PLD1: variants seen among roughly 807,000 people sequenced by gnomAD.
The protein encoded by PLD1 is choline phosphatase 1.
A neutral mutation model predicts 137.1 loss-of-function variants in PLD1; 112 were observed. That is an observed-to-expected ratio of 0.82 (90% CI 0.70 to 0.96). The LOEUF (loss-of-function observed/expected upper bound fraction) is 0.96. Among genes scored for constraint, PLD1 ranks in the 40% least tolerant of loss-of-function variants. The pLI is 0.00. For synonymous variants in PLD1, 431 were observed against 454.7 expected, an observed-to-expected ratio of 0.95 and a Z score of 0.66; for missense variants, 1,321 against 1,342.0, an observed-to-expected ratio of 0.98 and a Z score of 0.24.
intron 1 of PLD1, among the ~76,000 whole-genome samples, chr3:171,808,275 G>A (rs1050369588): frequency 4.0e-5 from 6 of 151,802 alleles, no homozygotes; most frequent in African/African-American, 1.5e-4. Context: ...AGTGGCTCAC[G>A]CCTGTAATCC....
At chr3:171,614,773 T>A (rs1732958478) in intron 24 of PLD1, among the ~76,000 whole-genome samples, 1 of 152,348 alleles carries the variant, frequency 6.6e-6, no homozygotes, top group South Asian at 2.1e-4. Context: ...ACATCACTGC[T>A]TTGTTTCGGG....
At chr3:171,624,513 C>T (rs930693225) in intron 23 of PLD1, among the ~76,000 whole-genome samples, 2 of 151,922 alleles carry the variant, frequency 1.3e-5, no homozygotes, top group African/African-American at 4.8e-5. Flanking sequence ...AGCAATCCCA[C>T]TCTAGAAATT....
intron 21 of PLD1, among the ~76,000 whole-genome samples, chr3:171,658,400 C>T (rs557355235): frequency 6.6e-6 from 1 of 152,076 alleles, no homozygotes; most frequent in African/African-American, 2.4e-5. Context: ...TAGAAACAAC[C>T]CAAATGTCCA....
At chr3:171,685,898 C>T (rs1418693411) in intron 16 of PLD1, among the ~76,000 whole-genome samples, 1 of 152,146 alleles carries the variant, frequency 6.6e-6, no homozygotes, top group African/African-American at 2.4e-5. Flanking sequence ...GCAGACGGAT[C>T]ACTTGAGGTC....
intron 1 of PLD1, among the ~76,000 whole-genome samples, chr3:171,768,010 C>CATTATT (rs36100351): frequency 5.6e-4 from 83 of 148,920 alleles, no homozygotes; most frequent in African/African-American, 1.9e-3. Flanking sequence ...TTTATGTGTT[C>CATTATT]ATTATTATTA....
chr3:171,694,080 T>C (rs1189524656), intron 12 of PLD1, among the ~76,000 whole-genome samples: 1 of 152,162 alleles, frequency 6.6e-6, no homozygotes, highest in Non-Finnish European at 1.5e-5. Context: ...AAATTCCTTA[T>C]AATAACACAA....
chr3:171,629,220 A>G (rs1272258808), intron 23 of PLD1, among the ~76,000 whole-genome samples: 11 of 152,152 alleles, frequency 7.2e-5, no homozygotes, highest in African/African-American at 2.7e-4. Context: ...CACCAATAAC[A>G]GACAAACAGA....
In PLD1 at chr3:171,733,525, T is replaced by C. The variant is rs373997610; in HGVS notation, c.541-16A>G. The C allele has an allele frequency of 6.2e-6, 6 of 970,388 alleles. No individual in the cohort carries two copies. The African/African-American group carries it at 6.4e-5, about 10-fold the overall frequency. 60.1% of individuals were successfully genotyped at this position (970,388 alleles called of 1,614,324 possible). ...CCAGTTGTTTCTGTAATGCAAATATTTTAGATAAGTGTTAACATGGTCATA... is the reference window on the plus strand; with the variant it reads ...CCAGTTGTTTCTGTAATGCAAATATCTTAGATAAGTGTTAACATGGTCATA... On this transcript the variant is annotated splice_polypyrimidine_tract_variant and intron_variant, in intron 5 of 26. Coordinates refer to ENST00000351298, the MANE Select transcript of PLD1 (RefSeq NM_002662.5).
intron 23 of PLD1, among the ~76,000 whole-genome samples, chr3:171,621,309 T>C (rs1733613506): frequency 1.3e-5 from 2 of 152,096 alleles, no homozygotes; most frequent in Non-Finnish European, 1.5e-5. Context: ...AGTCACAGGA[T>C]TTTTATGGTC....
At chr3:171,638,842 G>A (rs1244516581) in intron 23 of PLD1, among the ~76,000 whole-genome samples, 1 of 152,190 alleles carries the variant, frequency 6.6e-6, no homozygotes, top group Admixed American at 6.5e-5. Context: ...ATTCACTAAA[G>A]TAGATTGCCC....
chr3:171,613,922 C>T lies in PLD1; in HGVS notation c.2729-1490G>A, dbSNP rs533711271. ...ACTCTTCTTGTTCCTCTTGCTCTAG[C>T]TGCAACAACTCCACTGCTTCTTCAG... On this transcript the variant is annotated intron_variant, in intron 24 of 26. Coordinates refer to ENST00000351298, the MANE Select transcript of PLD1 (RefSeq NM_002662.5). Among the ~76,000 whole-genome samples the T allele has an allele frequency of 1.3e-5, 2 of 152,280 alleles. 1 individual carries two copies. The highest frequency in any genetic ancestry group is 3.9e-4 in the East Asian group (2 of 5,172).
chr3:171,746,293 G>A (rs116123288), intron 1 of PLD1, among the ~76,000 whole-genome samples: 1,659 of 152,330 alleles, frequency 0.011, 37 homozygotes, highest in African/African-American at 0.038. Flanking sequence ...GGGCAGCTCA[G>A]CCTGCAGCCT....
At chr3:171,709,511 T>C (rs1245715140) in intron 10 of PLD1, 49 bp downstream of exon 10, 8 of 1,541,082 alleles carry the variant, frequency 5.2e-6, no homozygotes, top group South Asian at 1.1e-5. Flanking sequence ...GCCAGTGTAA[T>C]ATTAGATGCT....
At chr3:171,747,339 C>G (rs1248177890) in intron 1 of PLD1, among the ~76,000 whole-genome samples, 1 of 152,204 alleles carries the variant, frequency 6.6e-6, no homozygotes, top group Non-Finnish European at 1.5e-5. Flanking sequence ...CTGTGCTGAG[C>G]ACACTGATAC....
intron 21 of PLD1, among the ~76,000 whole-genome samples, chr3:171,651,152 G>T (rs911625796): frequency 1.3e-5 from 2 of 152,162 alleles, no homozygotes; most frequent in Admixed American, 6.5e-5. Context: ...AGGCCCCGAG[G>T]AAGCTTGATA....
At chr3:171,650,716 T>C (rs948378142) in intron 21 of PLD1, among the ~76,000 whole-genome samples, 26 of 152,060 alleles carry the variant, frequency 1.7e-4, no homozygotes, top group African/African-American at 6.0e-4. Flanking sequence ...GAAAATAAAT[T>C]ACAATTCAAC....
At chr3:171,758,712 A>G (rs757571469) in intron 1 of PLD1, among the ~76,000 whole-genome samples, 4 of 152,228 alleles carry the variant, frequency 2.6e-5, no homozygotes, top group Admixed American at 1.3e-4. Flanking sequence ...AATATGACAG[A>G]AGCGTTGTGC....
At position 171,612,423 on chromosome 3, in the gene PLD1, T is replaced by C. The variant is rs1732738532; in HGVS notation, c.2738A>G (p.Asn913Ser). The change falls in exon 25 of 27, where the codon AAC (asparagine) becomes AGC (serine). Residue 913 changes from asparagine (N) to serine (S), a missense_variant. By Grantham distance (46) the Asn-to-Ser change is conservative. Transcript: ENST00000351298. This position sits in a 1 kb window ranked among gnomAD's most constrained non-coding sequence, Gnocchi z 4.1. ...DDNTVIIGSA[N>S]INDRSMLGKR... ...TCCCAGCATGCTGCGGTCATTTATG[T>C]TGGCAGAGCCTGTAAGGAGAAACAG... 1 of 1,614,060 alleles carries C rather than the reference T, an allele frequency of 6.2e-7. No individual in the cohort carries two copies. Among genetic ancestry groups the C allele is most frequent in the South Asian group, 1.1e-5 (1 of 91,064 alleles).
At chr3:171,673,849 C>A (rs1713050240) in intron 19 of PLD1, among the ~76,000 whole-genome samples, 1 of 152,152 alleles carries the variant, frequency 6.6e-6, no homozygotes, top group Non-Finnish European at 1.5e-5. Flanking sequence ...GTGGCCCATC[C>A]TACTTCTGTC....
Sources: allele counts gnomAD v4.1 joint callset (sites outside exome capture counted in the v4.1 genomes callset), GRCh38; gene constraint gnomAD v4.1.1; non-coding constraint Gnocchi (gnomAD v3.1); transcripts MANE v1.5; gene names NCBI Gene and HGNC (gene_info 2026-07-23, HGNC 2026-07-21).